Variants in TENM2 observed in about 807,000 individuals in gnomAD.
The protein encoded by TENM2 is teneurin transmembrane protein 2.
A neutral mutation model predicts 245.2 loss-of-function variants in TENM2; 52 were observed. The ratio of observed to expected loss-of-function variants is 0.21; its 90% CI spans 0.17 to 0.27. TENM2 has a LOEUF of 0.27. Ranked by LOEUF, TENM2 falls within the 10% of genes least tolerant of loss-of-function variation. TENM2 has a pLI of 1.00. For synonymous variants in TENM2, 1,363 were observed against 1,438.9 expected (o/e 0.95, Z 1.19); for missense variants, 3,046 against 3,666.8 (o/e 0.83, Z 4.37).
intron 12 of TENM2, among the ~76,000 whole-genome samples, chr5:168,131,473 G>C (rs1178686224): frequency 6.6e-6 from 1 of 152,062 alleles, no homozygotes; most frequent in African/African-American, 2.4e-5. Flanking sequence ...CTCTTTAATT[G>C]GTTGGGGAAA....
At chr5:167,005,687 A>T in the TENM2 span, among the ~76,000 whole-genome samples, 2 of 112,282 alleles carry the variant, frequency 1.8e-5, no homozygotes, top group South Asian at 3.3e-4. Context: ...TTTGAGATAG[A>T]GTCTCACTCT....
intron 13 of TENM2, among the ~76,000 whole-genome samples, chr5:168,164,952 C>G (rs1758084189): frequency 6.6e-6 from 1 of 152,174 alleles, no homozygotes; most frequent in African/African-American, 2.4e-5. Flanking sequence ...GTGTCCAGAG[C>G]AGGGTGGAAT....
chr5:167,853,824 T>A (rs1398772297), intron 2 of TENM2, among the ~76,000 whole-genome samples: 1 of 152,162 alleles, frequency 6.6e-6, no homozygotes, highest in African/African-American at 2.4e-5. Context: ...TAGATGCAAA[T>A]ACTTCTTCCA....
rs917042196 is a variant in TENM2, at chr5:168,259,127, T to C, written c.7433-1156T>C. 9.2e-5 allele frequency among the ~76,000 whole-genome samples: 14 copies of C among 151,830 alleles called. 2 individuals are homozygous for C. Among genetic ancestry groups the C allele is most frequent in the Admixed American group, 8.5e-4 (13 of 15,254 alleles). ...GGCACGGACATCCAGGAATCTCTAT[T>C]GATCAGTGTGGAAGGAGTCTTTTTC... is the stretch of plus-strand genomic sequence containing the variant. On this transcript the variant is annotated intron_variant, in intron 27 of 28. Coordinates refer to ENST00000518659, the Ensembl canonical transcript of TENM2.
intron 2 of TENM2, among the ~76,000 whole-genome samples, chr5:167,447,932 T>C (rs757711664): frequency 1.1e-4 from 17 of 152,110 alleles, no homozygotes; most frequent in Non-Finnish European, 2.2e-4. Flanking sequence ...GAGTTTGATT[T>C]ATGAAATGAG....
At chr5:167,691,953 G>C (rs576257439) in intron 2 of TENM2, among the ~76,000 whole-genome samples, 1 of 152,316 alleles carries the variant, frequency 6.6e-6, no homozygotes, top group South Asian at 2.1e-4. Context: ...TGTGGTTAAA[G>C]TCTCACCTAT....
intron 2 of TENM2, among the ~76,000 whole-genome samples, chr5:167,852,191 A>G (rs1006979249): frequency 6.6e-6 from 1 of 152,214 alleles, no homozygotes; most frequent in African/African-American, 2.4e-5. Context: ...CCAAGCTTGA[A>G]CCACTTAAGT....
intron 9 of TENM2, among the ~76,000 whole-genome samples, chr5:168,112,086 C>A (rs1352122209): frequency 2.0e-5 from 3 of 152,160 alleles, no homozygotes; most frequent in African/African-American, 7.2e-5. Flanking sequence ...ATAATCAAAT[C>A]TGATCCTCTG....
chr5:168,036,743 A>ATATATATACGTATGTG (rs1562081703), intron 5 of TENM2, among the ~76,000 whole-genome samples: 125 of 144,602 alleles, frequency 8.6e-4, no homozygotes, highest in African/African-American at 3.1e-3. Context: ...ACGTATGTGT[A>ATATATATACGTATGTG]TATATATATG....
At chr5:167,107,258 G>A in the TENM2 span, among the ~76,000 whole-genome samples, 13 of 150,126 alleles carry the variant, frequency 8.7e-5, no homozygotes, top group South Asian at 8.4e-4. Flanking sequence ...GCGAAACTTC[G>A]TGAAAGAAAG....
chr5:168,247,703 C>G lies in TENM2; in HGVS notation c.6764C>G (p.Thr2255Ser). Residue 2255 changes from threonine to serine, a missense_variant, in exon 27 of 29, where the codon ACC becomes AGC. Transcript: ENST00000518659. The surrounding 1 kb of genome is among the most constrained non-coding windows in gnomAD (Gnocchi z 7.8). ...CGCTATGACCTCCGGGATCGGATAA[C>G]CAGACTCGGGGATGTGCAGTACAAA... 3 of 1,613,866 alleles carry G rather than the reference C, an allele frequency of 1.9e-6. No homozygotes were observed. Among genetic ancestry groups the G allele is most frequent in the Non-Finnish European group, 2.5e-6 (3 of 1,179,892 alleles).
In TENM2 at chr5:168,247,009, A is replaced by C. The variant is rs773073111; in HGVS notation, c.6070A>C (p.Lys2024Gln). Residue 2024 changes from lysine (K) to glutamine (Q), a missense_variant, in exon 27 of 29, where the codon AAA becomes CAA. Physicochemically the swap from Lys to Gln is moderately conservative, Grantham distance 53 (BLOSUM62 1). Transcript: ENST00000518659. The surrounding 1 kb of genome is among the most constrained non-coding windows in gnomAD (Gnocchi z 7.8). ...ACGCCAGGTGTTCTACAAGTATGGG[A>C]AACTCTCCAAGTTATCAGAGATTGT... 6.2e-7 allele frequency: 1 copy of C among 1,613,860 alleles called. No homozygotes were observed. The highest frequency in any genetic ancestry group is 8.5e-7 in the Non-Finnish European group (1 of 1,179,900).
intron 2 of TENM2, among the ~76,000 whole-genome samples, chr5:167,382,226 A>G (rs1404763460): frequency 6.6e-6 from 1 of 152,198 alleles, no homozygotes; most frequent in Non-Finnish European, 1.5e-5. Flanking sequence ...AAGCCATTTA[A>G]AGAGGAGGAA....
intron 2 of TENM2, among the ~76,000 whole-genome samples, chr5:167,669,179 T>A (rs577303997): frequency 4.6e-5 from 7 of 152,294 alleles, no homozygotes; most frequent in African/African-American, 1.7e-4. Flanking sequence ...CATCCTTGAA[T>A]GTGCTGCTTT....
chr5:167,593,591 C>G (rs1331530030), intron 2 of TENM2, among the ~76,000 whole-genome samples: 1 of 152,238 alleles, frequency 6.6e-6, no homozygotes, highest in Non-Finnish European at 1.5e-5. Context: ...AGGCTTCTAC[C>G]TATCCGGTAA....
chr5:167,204,709 G>C, the TENM2 span, among the ~76,000 whole-genome samples: 1 of 152,192 alleles, frequency 6.6e-6, no homozygotes, highest in South Asian at 2.1e-4. Flanking sequence ...AGGGAGAACT[G>C]TGTGTCCTGC....
chr5:167,799,823 C>G (rs1765578490), intron 2 of TENM2, among the ~76,000 whole-genome samples: 1 of 152,192 alleles, frequency 6.6e-6, no homozygotes, highest in South Asian at 2.1e-4. Context: ...AATACATTAT[C>G]TATGATGATC....
intron 2 of TENM2, among the ~76,000 whole-genome samples, chr5:167,394,795 C>G (rs1761961728): frequency 6.6e-6 from 1 of 151,976 alleles, no homozygotes; most frequent in African/African-American, 2.4e-5. Context: ...CAGGGTTTCA[C>G]CATGTTGCCC....
intron 2 of TENM2, among the ~76,000 whole-genome samples, chr5:167,637,097 G>T (rs1389038112): frequency 6.6e-6 from 1 of 152,054 alleles, no homozygotes; most frequent in Non-Finnish European, 1.5e-5. Context: ...ATTTAAATAC[G>T]GCTACTGTAA....
Sources: gnomAD v4.1 joint callset for allele counts (sites outside exome capture counted in the v4.1 genomes callset) on GRCh38, gnomAD v4.1.1 for gene constraint, Gnocchi (gnomAD v3.1) non-coding constraint, MANE v1.5 for transcripts, NCBI Gene and HGNC (gene_info 2026-07-23, HGNC 2026-07-21) for gene names.